The following RGS3 variants were observed in gnomAD, a reference collection of about 807,000 sequenced individuals.
The protein encoded by RGS3 is regulator of G protein signaling 3.
RGS3 carries 80 observed loss-of-function variants against 132.6 expected under a neutral mutation model. The observed-to-expected ratio is 0.60, with a 90% CI of 0.50 to 0.73. The LOEUF is 0.73. RGS3 is among the 30% of genes least tolerant of loss of function. The pLI, the probability that RGS3 is intolerant of heterozygous loss-of-function variation, is 0.00. For synonymous variants in RGS3, 598 were observed against 620.6 expected (o/e 0.96, Z 0.54); for missense variants, 1,382 against 1,530.8 (o/e 0.90, Z 1.62).
intron 21 of RGS3, 178 bp from the exon 20 acceptor site, chr9:113,594,252 C>T: frequency 3.1e-6 from 5 of 1,611,836 alleles, no homozygotes; most frequent in Non-Finnish European, 3.4e-6. Context: ...CAATCTGCGG[C>T]CCCAAGGTGG....
At chr9:113,520,041 C>T (rs752325851) in intron 16 of RGS3, among the ~76,000 whole-genome samples, 1 of 152,186 alleles carries the variant, frequency 6.6e-6, no homozygotes, top group Non-Finnish European at 1.5e-5. Flanking sequence ...GTCAGATTCC[C>T]AAGAAGAAGC....
chr9:113,506,591 C>T lies in RGS3; in HGVS notation c.1085+98C>T, dbSNP rs140173417. ...TTGCCTGGCCCAGCTCTTGCTGCTC[C>T]CTCTTTTGCCTAGCTGTGAGCAGGC... is the stretch of plus-strand genomic sequence containing the variant. On this transcript the variant is annotated intron_variant, in intron 12 of 24. Coordinates refer to ENST00000350696, the Ensembl canonical transcript of RGS3. This position sits in a 1 kb window ranked among gnomAD's most constrained non-coding sequence, Gnocchi z 4.7. 5.4e-6 allele frequency: 4 copies of T among 746,052 alleles called. No homozygotes were observed. In the African/African-American group the frequency reaches 7.0e-5, roughly 13 times the overall value. 46.2% of individuals were successfully genotyped at this position (746,052 alleles called of 1,614,324 possible).
intron 16 of RGS3, among the ~76,000 whole-genome samples, chr9:113,519,474 C>T (rs182748066): frequency 6.0e-4 from 84 of 138,940 alleles, no homozygotes; most frequent in African/African-American, 2.1e-3. Context: ...GGCAACCAAA[C>T]ATGTAGATCT....
At chr9:113,485,490 T>C (rs373440154) in intron 6 of RGS3, 135 bp from the exon 5 acceptor site, 2 of 616,836 alleles carry the variant, frequency 3.2e-6, no homozygotes, top group East Asian at 2.8e-5. Flanking sequence ...TCTCTTACTT[T>C]ATTTGTAATA....
At chr9:113,558,051 A>G (rs1833641326) in intron 19 of RGS3, among the ~76,000 whole-genome samples, 1 of 152,208 alleles carries the variant, frequency 6.6e-6, no homozygotes, top group Non-Finnish European at 1.5e-5. Flanking sequence ...GTGTGGAGCT[A>G]TTGGCCTCGG....
intron 16 of RGS3, among the ~76,000 whole-genome samples, chr9:113,521,266 T>C (rs1427295147): frequency 6.6e-6 from 1 of 152,206 alleles, no homozygotes; most frequent in Non-Finnish European, 1.5e-5. Context: ...CTGTTGTCTC[T>C]GCAGCCCAGA....
chr9:113,468,118 A>G (rs892137812), intron 3 of RGS3, among the ~76,000 whole-genome samples: 11 of 152,214 alleles, frequency 7.2e-5, no homozygotes, highest in Middle Eastern at 3.2e-3. Flanking sequence ...TCACTGCCAA[A>G]TCTAAGGTTC....
chr9:113,477,507 T>C (rs1030259943), intron 3 of RGS3, among the ~76,000 whole-genome samples: 1 of 152,180 alleles, frequency 6.6e-6, no homozygotes, highest in African/African-American at 2.4e-5. Flanking sequence ...TCTCCAAACC[T>C]GTTCTCTAAC....
In RGS3 at chr9:113,476,411, G is replaced by C. The variant is rs554157757; in HGVS notation, c.416-3080G>C. ...TCAGGGGCCTGTGTGTCAGACATTT[G>C]GTGGAGTAGCATGATGGGGGGAAGG... is the stretch of plus-strand genomic sequence containing the variant. On this transcript the variant is annotated intron_variant, in intron 3 of 24. Coordinates refer to ENST00000350696, the Ensembl canonical transcript of RGS3. Among the ~76,000 whole-genome samples the C allele has an allele frequency of 2.4e-4, 37 of 152,272 alleles. No individual in the cohort carries two copies. The South Asian group carries it at 4.8e-3, about 20-fold the overall frequency.
chr9:113,473,068 T>G (rs1829885122), intron 3 of RGS3, among the ~76,000 whole-genome samples: 1 of 152,140 alleles, frequency 6.6e-6, no homozygotes, highest in African/African-American at 2.4e-5. Context: ...ATGAAATGTA[T>G]GATATGTTAA....
chr9:113,465,169 G>A (rs1010730339), intron 3 of RGS3, among the ~76,000 whole-genome samples: 2 of 152,192 alleles, frequency 1.3e-5, no homozygotes, highest in African/African-American at 4.8e-5. Context: ...TGAGACAAGG[G>A]TGGTTTCCAG....
chr9:113,451,188 G>GAAA (rs1204091741), intron 1 of RGS3, among the ~76,000 whole-genome samples: 5 of 108,540 alleles, frequency 4.6e-5, no homozygotes, highest in Non-Finnish European at 5.9e-5. Flanking sequence ...CAAAAAAAAA[G>GAAA]AAAAAAAAAA....
Position 113,463,617 on chromosome 9 carries a change from A to C in RGS3, c.415+1416A>C. The C allele has an allele frequency of 1.7e-5, 14 of 835,144 alleles. No individual in the cohort carries two copies. The highest frequency in any genetic ancestry group is 3.8e-5 in the African/African-American group (2 of 52,236). The allele number at this position is 835,144 out of a possible 1,614,324, so 51.7% of individuals were successfully genotyped here. On this transcript the variant is annotated intron_variant, in intron 3 of 24. Transcript: ENST00000350696. This position sits in a 1 kb window ranked among gnomAD's most constrained non-coding sequence, Gnocchi z 4.6. The stretch of plus-strand genomic sequence containing the variant: ...CACCCCGGCCCAGCTCTGCTCCGGC[A>C]GGTGGAACTCTCCCCATTCAAACCC...
Position 113,591,871 on chromosome 9 carries a change from G to GGCGA in RGS3, c.3080+474_3080+475insGCGA. 1 of 170,890 alleles carries GGCGA rather than the reference G, an allele frequency of 5.9e-6. No homozygotes were observed. The highest frequency in any genetic ancestry group is 1.3e-5 in the Non-Finnish European group (1 of 77,298). 10.6% of individuals were successfully genotyped at this position (170,890 alleles called of 1,614,324 possible). ...GGCCCAGCTGCCGAATCCCGCACTC[G>GGCGA]CCAAGCCTTTCTGGCCACACTCAGG... is the stretch of plus-strand genomic sequence containing the variant. On this transcript the variant is annotated intron_variant, in intron 21 of 24. Coordinates refer to ENST00000350696, the Ensembl canonical transcript of RGS3. This position sits in a 1 kb window ranked among gnomAD's most constrained non-coding sequence, Gnocchi z 4.4.
chr9:113,550,608 C>G (rs1833300702), intron 19 of RGS3, among the ~76,000 whole-genome samples: 1 of 152,122 alleles, frequency 6.6e-6, no homozygotes, highest in Non-Finnish European at 1.5e-5. Flanking sequence ...CAGGAAACTC[C>G]TCAATCAAAT....
chr9:113,496,203 TC>T (rs771932271), intron 8 of RGS3, among the ~76,000 whole-genome samples: 6 of 152,138 alleles, frequency 3.9e-5, no homozygotes, highest in Non-Finnish European at 7.3e-5. Context: ...CGTGGTCCGT[TC>T]CAGGGGTCCT....
At chr9:113,495,810 G>A (rs1372561450) in exon 8 of RGS3, 1 of 1,614,176 alleles carries the variant, frequency 6.2e-7, no homozygotes, top group Admixed American at 1.7e-5. Flanking sequence ...TTGGCTGCAT[G>A]AGCTTTGGGG....
At chr9:113,503,377 G>C (rs549928011) in intron 10 of RGS3, 1 of 152,554 alleles carries the variant, frequency 6.6e-6, no homozygotes, top group East Asian at 1.9e-4. Context: ...GATCATGGTG[G>C]ACAGAGTGTA....
At chr9:113,556,327 A>G (rs942782199) in intron 19 of RGS3, among the ~76,000 whole-genome samples, 2 of 151,914 alleles carry the variant, frequency 1.3e-5, no homozygotes, top group African/African-American at 4.8e-5. Context: ...GTTCAGGGAA[A>G]TTTTCTATTA....
Sources: allele counts gnomAD v4.1 joint callset (sites outside exome capture counted in the v4.1 genomes callset), GRCh38; gene constraint gnomAD v4.1.1; non-coding constraint Gnocchi (gnomAD v3.1); transcripts MANE v1.5; gene names NCBI Gene and HGNC (gene_info 2026-07-23, HGNC 2026-07-21).